NSD2: variants seen among roughly 807,000 people sequenced by gnomAD.
NSD2 encodes nuclear receptor binding SET domain protein 2, also known as histone-lysine N-methyltransferase NSD2.
A neutral mutation model predicts 139.0 loss-of-function variants in NSD2; 12 were observed. The observed-to-expected ratio is 0.09, with a 90% CI of 0.06 to 0.14. NSD2 has a LOEUF of 0.14. NSD2 is among the 10% of genes least tolerant of loss of function. NSD2 has a pLI of 1.00. For missense variants in NSD2, 1,155 were observed against 1,745.0 expected, an observed-to-expected ratio of 0.66 and a Z score of 6.02; for synonymous variants, 669 against 648.7, an observed-to-expected ratio of 1.03 and a Z score of -0.48.
At chr4:1,883,500 C>T (rs971969433) in intron 1 of NSD2, among the ~76,000 whole-genome samples, 1 of 152,006 alleles carries the variant, frequency 6.6e-6, no homozygotes, top group Non-Finnish European at 1.5e-5. Context: ...GGCGTGGTGG[C>T]GCACACCTGT....
At position 1,930,620 on chromosome 4, in the gene NSD2, C is replaced by T. The variant is rs1257370330; in HGVS notation, c.1411-6C>T. 60 of 1,596,754 alleles carry T rather than the reference C, an allele frequency of 3.8e-5. 1 individual carries two copies. The Middle Eastern group carries it at 6.7e-4, about 18-fold the overall frequency. On this transcript the variant is annotated splice_region_variant and splice_polypyrimidine_tract_variant and intron_variant, in intron 5 of 21. Coordinates refer to ENST00000508803, the MANE Select transcript of NSD2 (RefSeq NM_001042424.3). ...CTTCTCATTGCACCTTCTCCCGTTC[C>T]CACAGGTGGTAGCTGAGCACCCAGA... is the stretch of plus-strand genomic sequence containing the variant.
At chr4:1,921,845 C>T (rs924415792) in intron 5 of NSD2, among the ~76,000 whole-genome samples, 20 of 150,612 alleles carry the variant, frequency 1.3e-4, no homozygotes, top group Non-Finnish European at 2.2e-4. Flanking sequence ...AAACGTTGTA[C>T]GGAAAATAGT....
chr4:1,980,781 G>A lies in NSD2; in HGVS notation c.*1872G>A, dbSNP rs1727681120. 4.3e-6 allele frequency: 1 copy of A among 233,264 alleles called. No individual in the cohort carries two copies. The highest frequency in any genetic ancestry group is 1.3e-3 in the Middle Eastern group (1 of 786). 14.4% of individuals were successfully genotyped at this position (233,264 alleles called of 1,614,324 possible). A position where few individuals can be genotyped will look rare whatever the true frequency, so the allele number is the denominator to read the frequency against. ...CTCGCGCGGCCGTGGCCTCTGAGGG[G>A]CACTCGCCGGTTAAGACAGGGTGGG... On this transcript the variant is annotated 3_prime_UTR_variant, in exon 22 of 22. Coordinates refer to ENST00000508803, the MANE Select transcript of NSD2 (RefSeq NM_001042424.3).
At chr4:1,934,277 G>A (rs1722037018) in intron 6 of NSD2, among the ~76,000 whole-genome samples, 1 of 151,660 alleles carries the variant, frequency 6.6e-6, no homozygotes, top group African/African-American at 2.4e-5. Flanking sequence ...TAGAGATGGG[G>A]TTCCTCCATG....
chr4:1,927,958 T>A (rs568084338), intron 5 of NSD2, among the ~76,000 whole-genome samples: 1 of 152,190 alleles, frequency 6.6e-6, no homozygotes, highest in African/African-American at 2.4e-5. Context: ...GGTGCAATCA[T>A]AGGTCACTGC....
chr4:1,893,810 GT>G (rs1269214761), intron 1 of NSD2: 2 of 152,256 alleles, frequency 1.3e-5, no homozygotes, highest in Admixed American at 6.5e-5. Context: ...CTCCCAAAGT[GT>G]TGGAATTGCA....
chr4:1,895,408 A>G (rs923072552), intron 1 of NSD2, among the ~76,000 whole-genome samples: 7 of 152,106 alleles, frequency 4.6e-5, no homozygotes, highest in Non-Finnish European at 1.0e-4. Flanking sequence ...GTCTTAATTT[A>G]TCTTACATGG....
chr4:1,976,338 C>CA lies in NSD2; in HGVS notation c.3622-136dup. On this transcript the variant is annotated intron_variant, in intron 20 of 21. Transcript: ENST00000508803. This position sits in a 1 kb window ranked among gnomAD's most constrained non-coding sequence, Gnocchi z 5.3. ...GGATGTCTGGGGAGCACGAGGAGGA[C>CA]ACTCCTCTCCTCTCCTCTTAGTGTT... The CA allele has an allele frequency of 1.1e-6, 1 of 895,258 alleles. No individual in the cohort carries two copies. Among genetic ancestry groups the CA allele is most frequent in the Non-Finnish European group, 1.7e-6 (1 of 582,734 alleles). The allele number at this position is 895,258 out of a possible 1,614,324, so 55.5% of individuals were successfully genotyped here. A position where few individuals can be genotyped will look rare whatever the true frequency, so the allele number is the denominator to read the frequency against.
Position 1,948,516 on chromosome 4 carries a change from C to CAA in NSD2, c.1882-2556_1882-2555insAA. On this transcript the variant is annotated intron_variant, in intron 9 of 21. Transcript: ENST00000508803. This position sits in a 1 kb window ranked among gnomAD's most constrained non-coding sequence, Gnocchi z 4.5. ...GCCGAGCCGAGAGCATTGGATCCTC[C>CAA]CCGACTGTGGCTAGTTGTCTGTCCG... The CAA allele has an allele frequency of 1.9e-6, 2 of 1,064,304 alleles. No individual in the cohort carries two copies. The highest frequency in any genetic ancestry group is 2.3e-6 in the Non-Finnish European group (2 of 877,842). 65.9% of individuals were successfully genotyped at this position (1,064,304 alleles called of 1,614,324 possible). A position where few individuals can be genotyped will look rare whatever the true frequency, so the allele number is the denominator to read the frequency against.
rs975825389 is a variant in NSD2, at chr4:1,980,683, TC to T, written c.*1777del. On this transcript the variant is annotated 3_prime_UTR_variant, in exon 22 of 22. Transcript: ENST00000508803. Reference sequence around the variant, plus strand: ...TTCACTGGCTGGTGGCTGTCCCTTCTCCCATCAGGGTCCCCAGCAAAGTTAA... The same window carrying T: ...TTCACTGGCTGGTGGCTGTCCCTTCTCCATCAGGGTCCCCAGCAAAGTTAA... The T allele has an allele frequency of 4.3e-6, 1 of 232,962 alleles. No homozygotes were observed. The highest frequency in any genetic ancestry group is 2.2e-5 in the African/African-American group (1 of 45,258). 14.4% of individuals were successfully genotyped at this position (232,962 alleles called of 1,614,324 possible).
chr4:1,925,389 CTTTTTTTTTTTTTTTTT>C (rs34335852), intron 5 of NSD2, among the ~76,000 whole-genome samples: 3 of 37,998 alleles, frequency 7.9e-5, no homozygotes, highest in Non-Finnish European at 1.3e-4. Flanking sequence ...CTTTTTCTTT[CTTTTTTTTTTTTTTTTT>C]TTTTTTTTTT....
intron 4 of NSD2, among the ~76,000 whole-genome samples, chr4:1,917,689 A>G (rs1467217642): frequency 6.6e-6 from 1 of 152,128 alleles, no homozygotes; most frequent in African/African-American, 2.4e-5. Flanking sequence ...TGTCTGCCTC[A>G]GCCTCCACAG....
At chr4:1,881,692 G>A (rs1714705211) in intron 1 of NSD2, among the ~76,000 whole-genome samples, 1 of 152,190 alleles carries the variant, frequency 6.6e-6, no homozygotes, top group African/African-American at 2.4e-5. Context: ...CCACCCCTCT[G>A]AGCCCTGGTT....
intron 21 of NSD2, 147 bp from the exon 22 acceptor site, chr4:1,978,491 G>C: frequency 8.5e-7 from 1 of 1,179,802 alleles, no homozygotes; most frequent in South Asian, 1.7e-5. Context: ...GGCTGTGGTA[G>C]ACAGTTTGTC....
Position 1,974,903 on chromosome 4 carries a change from G to A in NSD2, c.3413G>A (p.Arg1138Gln), listed in dbSNP as rs1726909928. The stretch of plus-strand genomic sequence containing the variant: ...GCTGGCCCCAAAGGAAACTACTCTC[G>A]ATTTATGAATCACAGCTGCCAGCCC... ...IDAGPKGNYSRFMNHSCQPNC... is the reference protein window; with the variant it reads ...IDAGPKGNYSQFMNHSCQPNC... Residue 1138 changes from arginine to glutamine, a missense_variant, in exon 19 of 22, where the codon CGA becomes CAA. Arg to Gln is a conservative substitution (Grantham distance 43, BLOSUM62 1). Around this residue, in one of 8 missense-constraint regions of NSD2, gnomAD observed 139 missense variants for 485.8 expected, o/e 0.29. Transcript: ENST00000508803. The surrounding 1 kb of genome is among the most constrained non-coding windows in gnomAD (Gnocchi z 4.0). 6.2e-7 allele frequency: 1 copy of A among 1,614,056 alleles called. No homozygotes were observed. Among genetic ancestry groups the A allele is most frequent in the Admixed American group, 1.7e-5 (1 of 60,010 alleles).
At chr4:1,888,612 G>T (rs1019117299) in intron 1 of NSD2, among the ~76,000 whole-genome samples, 5 of 151,704 alleles carry the variant, frequency 3.3e-5, no homozygotes, top group African/African-American at 4.8e-5. Flanking sequence ...TGTCACCCAG[G>T]CTGGATTGCA....
At chr4:1,946,737 A>G (rs1374129549) in intron 9 of NSD2, 11 of 1,045,188 alleles carry the variant, frequency 1.1e-5, no homozygotes, top group Admixed American at 5.6e-5. Context: ...ATTAGCAGGT[A>G]GAAAATTATT....
chr4:1,921,016 C>T (rs1202463065), intron 5 of NSD2, among the ~76,000 whole-genome samples: 1 of 152,016 alleles, frequency 6.6e-6, no homozygotes, highest in Non-Finnish European at 1.5e-5. Flanking sequence ...CTAGTCTGGG[C>T]CACAGAGTGA....
rs1249025961 is a variant in NSD2, at chr4:1,977,639, G to C, written c.3826+960G>C. ...AAAAATACAAAAATTAGACTGGTGT[G>C]GTGGCATGCACCTGTAATCCCAGCT... On this transcript the variant is annotated intron_variant, in intron 21 of 21. Coordinates refer to ENST00000508803, the MANE Select transcript of NSD2 (RefSeq NM_001042424.3). Among the ~76,000 whole-genome samples the C allele has an allele frequency of 5.9e-5, 9 of 152,004 alleles. 1 individual carries two copies. The highest frequency in any genetic ancestry group is 5.2e-4 in the Admixed American group (8 of 15,262).
Sources: gnomAD v4.1 joint callset for allele counts (sites outside exome capture counted in the v4.1 genomes callset) on GRCh38, gnomAD v4.1.1 for gene constraint, gnomAD v4.1.1 regional missense constraint, Gnocchi (gnomAD v3.1) non-coding constraint, MANE v1.5 for transcripts, NCBI Gene and HGNC (gene_info 2026-07-23, HGNC 2026-07-21) for gene names.